The following RFX3 variants were observed in gnomAD, a reference collection of about 807,000 sequenced individuals.
The protein encoded by RFX3 is transcription factor RFX3.
Under a neutral mutation model 98.6 loss-of-function variants are expected in RFX3, and 14 were observed. The observed-to-expected ratio is 0.14, with a 90% CI of 0.09 to 0.22. The LOEUF is 0.22. Ranked by LOEUF, RFX3 falls within the 10% of genes least tolerant of loss-of-function variation. The pLI is 1.00. For missense variants in RFX3, 639 were observed against 926.9 expected (o/e 0.69, Z 4.03); for synonymous variants, 383 against 328.4 (o/e 1.17, Z -1.80).
At chr9:3,284,447 T>C (rs536221080) in intron 7 of RFX3, among the ~76,000 whole-genome samples, 1 of 151,832 alleles carries the variant, frequency 6.6e-6, no homozygotes, top group Non-Finnish European at 1.5e-5. Flanking sequence ...AAAAAAATTA[T>C]TTTCATATGA....
chr9:3,280,311 G>T (rs1293268977), intron 7 of RFX3, among the ~76,000 whole-genome samples: 1 of 151,816 alleles, frequency 6.6e-6, no homozygotes, highest in East Asian at 1.9e-4. Context: ...GGGCTAATGT[G>T]GGCCTGTAAG....
At chr9:3,423,890 G>GT (rs1843697543) in intron 1 of RFX3, among the ~76,000 whole-genome samples, 1 of 150,036 alleles carries the variant, frequency 6.7e-6, no homozygotes, top group African/African-American at 2.4e-5. Flanking sequence ...GCTCACGCCT[G>GT]TAATCCCAGC....
intron 4 of RFX3, among the ~76,000 whole-genome samples, chr9:3,315,847 G>C (rs1039104013): frequency 2.6e-5 from 4 of 152,062 alleles, no homozygotes; most frequent in Admixed American, 1.3e-4. Flanking sequence ...TCCCTGAATA[G>C]ACCAATAACA....
rs145747158 is a variant in RFX3 at position 3,421,019 on chromosome 9, C to CAAAA, written c.-8-25427_-8-25424dup. On this transcript the variant is annotated intron_variant, in intron 1 of 16. Transcript: ENST00000617270. ...AGAGATAAATATTTCTACTATGTGC[C>CAAAA]AAAAAAAAAAAAAAAAACAAGAAGG... is the stretch of plus-strand genomic sequence containing the variant. 808 of 181,164 alleles carry CAAAA rather than the reference C, an allele frequency of 4.5e-3. 6 individuals carry two copies. Among genetic ancestry groups the CAAAA allele is most frequent in the Admixed American group, 9.6e-3 (94 of 9,842 alleles). 11.2% of individuals were successfully genotyped at this position (181,164 alleles called of 1,614,324 possible).
intron 2 of RFX3, among the ~76,000 whole-genome samples, chr9:3,389,599 C>T (rs915164709): frequency 6.6e-6 from 1 of 151,964 alleles, no homozygotes; most frequent in East Asian, 1.9e-4. Flanking sequence ...TGCTGAAATG[C>T]TCCAAAATTC....
intron 1 of RFX3, among the ~76,000 whole-genome samples, chr9:3,425,732 C>G (rs1316045389): frequency 6.6e-6 from 1 of 152,140 alleles, no homozygotes; most frequent in African/African-American, 2.4e-5. Context: ...AAATACTTTT[C>G]ATTCCCCATT....
Position 3,396,277 on chromosome 9 carries a change from G to A in RFX3, c.-8-681C>T, listed in dbSNP as rs180703747. On this transcript the variant is annotated intron_variant, in intron 1 of 16. Transcript: ENST00000617270. The stretch of plus-strand genomic sequence containing the variant: ...CATTGTTCAATTCCCACCTATGAGT[G>A]AGAACATGCGGTGTTTGGTTTTTTG... Among the ~76,000 whole-genome samples, 391 of 152,066 alleles carry A rather than the reference G, an allele frequency of 2.6e-3. 3 individuals are homozygous for A. The highest frequency in any genetic ancestry group is 9.0e-3 in the African/African-American group (373 of 41,444).
intron 7 of RFX3, among the ~76,000 whole-genome samples, chr9:3,281,228 T>G (rs980679471): frequency 2.0e-5 from 3 of 151,678 alleles, no homozygotes; most frequent in African/African-American, 7.2e-5. Flanking sequence ...CAACTGACAT[T>G]ATAGCATTGA....
intron 4 of RFX3, among the ~76,000 whole-genome samples, chr9:3,311,017 A>G (rs1473118996): frequency 6.6e-6 from 1 of 152,220 alleles, no homozygotes; most frequent in East Asian, 1.9e-4. Context: ...AAAAGTTTTA[A>G]CTAGATAGTT....
chr9:3,245,306 T>C (rs980148926), intron 15 of RFX3, among the ~76,000 whole-genome samples: 1 of 152,184 alleles, frequency 6.6e-6, no homozygotes. Context: ...GAACCATTTA[T>C]GCAGTAGTCC....
chr9:3,323,941 T>A (rs759310452), intron 4 of RFX3: 1 of 361,146 alleles, frequency 2.8e-6, no homozygotes, highest in South Asian at 2.3e-5. Context: ...GGAATACAGA[T>A]GAAGTGATGG....
chr9:3,355,345 A>C (rs1354332537), intron 2 of RFX3, among the ~76,000 whole-genome samples: 1 of 151,852 alleles, frequency 6.6e-6, no homozygotes, highest in Non-Finnish European at 1.5e-5. Context: ...AAACAGGTTA[A>C]AAATAAAAGG....
At chr9:3,418,542 G>T (rs1173148067) in intron 1 of RFX3, among the ~76,000 whole-genome samples, 3 of 152,008 alleles carry the variant, frequency 2.0e-5, no homozygotes, top group African/African-American at 7.2e-5. Flanking sequence ...ACCATGCCCA[G>T]CTAATTTTTG....
At chr9:3,341,552 C>G (rs1833892693) in intron 3 of RFX3, among the ~76,000 whole-genome samples, 1 of 152,156 alleles carries the variant, frequency 6.6e-6, no homozygotes, top group East Asian at 1.9e-4. Context: ...CAGTTTCATT[C>G]ATTTTATCCC....
chr9:3,451,415 G>A (rs759285174), intron 1 of RFX3, among the ~76,000 whole-genome samples: 4 of 152,096 alleles, frequency 2.6e-5, no homozygotes, highest in East Asian at 3.9e-4. Context: ...GCATGGTGGC[G>A]TGTCTGTAGT....
chr9:3,273,965 C>G (rs568734605), intron 9 of RFX3, among the ~76,000 whole-genome samples: 4 of 151,810 alleles, frequency 2.6e-5, no homozygotes, highest in South Asian at 4.2e-4. Flanking sequence ...TTACACAAAT[C>G]TTTATTGAAT....
chr9:3,291,572 C>T (rs1827360483), intron 6 of RFX3, among the ~76,000 whole-genome samples: 1 of 152,128 alleles, frequency 6.6e-6, no homozygotes, highest in Non-Finnish European at 1.5e-5. Context: ...ATACAGTTCT[C>T]TCTGTTTCTT....
Position 3,391,833 on chromosome 9 carries a change from G to C in RFX3, c.117+3639C>G, listed in dbSNP as rs917622365. On this transcript the variant is annotated intron_variant, in intron 2 of 16. Transcript: ENST00000617270. ...CCCTCTACCAACCCCTACGCAGTAAGGTAACTGGCTTTCCCTAACTTTAGT... is the reference window on the plus strand; with the variant it reads ...CCCTCTACCAACCCCTACGCAGTAACGTAACTGGCTTTCCCTAACTTTAGT... Among the ~76,000 whole-genome samples the C allele has an allele frequency of 3.3e-5, 5 of 152,108 alleles. No homozygotes were observed. The South Asian group carries it at 6.2e-4, about 19-fold the overall frequency.
chr9:3,493,628 G>C (rs1365057026), intron 1 of RFX3, among the ~76,000 whole-genome samples: 1 of 146,624 alleles, frequency 6.8e-6, no homozygotes, highest in Non-Finnish European at 1.5e-5. Flanking sequence ...AGCTTGCAGT[G>C]AGCCAAGATG....
Sources: gnomAD v4.1 joint callset for allele counts (sites outside exome capture counted in the v4.1 genomes callset) on GRCh38, gnomAD v4.1.1 for gene constraint, MANE v1.5 for transcripts, NCBI Gene and HGNC (gene_info 2026-07-23, HGNC 2026-07-21) for gene names.